OLFM2: variants seen among roughly 807,000 people sequenced by gnomAD.
The protein encoded by OLFM2 is noelin-2.
OLFM2 carries 20 observed loss-of-function variants against 43.9 expected under a neutral mutation model. That is an observed-to-expected ratio of 0.46 (90% CI 0.32 to 0.66). OLFM2 has a LOEUF of 0.66. OLFM2 is among the 30% of genes least tolerant of loss of function. The pLI is 0.04. For synonymous variants in OLFM2, 268 were observed against 278.6 expected, an observed-to-expected ratio of 0.96 and a Z score of 0.38; for missense variants, 416 against 643.6, an observed-to-expected ratio of 0.65 and a Z score of 3.83.
chr19:9,911,498 C>T (rs1320271888), intron 1 of OLFM2, among the ~76,000 whole-genome samples: 1 of 152,058 alleles, frequency 6.6e-6, no homozygotes, highest in African/African-American at 2.4e-5. Flanking sequence ...CACATACACA[C>T]TTACAGAAAA....
intron 1 of OLFM2, among the ~76,000 whole-genome samples, chr19:9,879,038 A>G (rs974926842): frequency 3.3e-5 from 5 of 151,912 alleles, no homozygotes; most frequent in African/African-American, 7.3e-5. Context: ...GTAATCCCCA[A>G]TGCTGGAATA....
In OLFM2 at chr19:9,854,088, A is replaced by G. The variant is rs2046292879; in HGVS notation, c.*98T>C. ...AAAAGGCGGGGAGAAAGGGCGTGAC[A>G]GAGACAGAGAGATCACCCTTGAGGG... On this transcript the variant is annotated 3_prime_UTR_variant, in exon 6 of 6. Transcript: ENST00000264833. This position sits in a 1 kb window ranked among gnomAD's most constrained non-coding sequence, Gnocchi z 9.5. 5.5e-6 allele frequency: 6 copies of G among 1,091,620 alleles called. No homozygotes were observed. Among genetic ancestry groups the G allele is most frequent in the Non-Finnish European group, 6.8e-6 (5 of 737,418 alleles). The allele number at this position is 1,091,620 out of a possible 1,614,324, so 67.6% of individuals were successfully genotyped here.
chr19:9,861,148 C>T (rs2046363010), intron 1 of OLFM2, among the ~76,000 whole-genome samples: 1 of 151,910 alleles, frequency 6.6e-6, no homozygotes, highest in African/African-American at 2.4e-5. Flanking sequence ...CTCCTCTCTG[C>T]TTCCCCAGCC....
intron 1 of OLFM2, among the ~76,000 whole-genome samples, chr19:9,881,367 G>C (rs1316892788): frequency 1.3e-5 from 2 of 152,174 alleles, no homozygotes; most frequent in Non-Finnish European, 2.9e-5. Context: ...GCCTGACCGG[G>C]CAGGGCTACT....
At chr19:9,864,443 A>G (rs2046385149) in intron 1 of OLFM2, among the ~76,000 whole-genome samples, 2 of 151,902 alleles carry the variant, frequency 1.3e-5, no homozygotes, top group Non-Finnish European at 2.9e-5. Context: ...TAGGATTACA[A>G]TCACCCACCT....
At chr19:9,924,988 C>T (rs118090244) in intron 1 of OLFM2, among the ~76,000 whole-genome samples, 12,006 of 151,970 alleles carry the variant, frequency 0.079, 713 homozygotes, top group Non-Finnish European at 0.12. Context: ...TATGGCTGGG[C>T]GCCGTGGCTC....
intron 1 of OLFM2, among the ~76,000 whole-genome samples, chr19:9,896,697 T>G (rs1163374669): frequency 2.0e-5 from 3 of 152,160 alleles, no homozygotes; most frequent in Non-Finnish European, 4.4e-5. Context: ...TCCTCTGACT[T>G]CCAAATTACA....
intron 1 of OLFM2, among the ~76,000 whole-genome samples, chr19:9,894,376 CAATAATAATAATAAT>C (rs528905230): frequency 8.5e-6 from 1 of 118,298 alleles, no homozygotes. Flanking sequence ...GACTCTCTCT[CAATAATAATAATAAT>C]AATAATAATA....
intron 1 of OLFM2, among the ~76,000 whole-genome samples, chr19:9,878,876 A>G (rs531006084): frequency 3.3e-5 from 5 of 152,090 alleles, no homozygotes; most frequent in Admixed American, 3.3e-4. Flanking sequence ...TGCTTGTTTG[A>G]GACTCGGTAG....
At chr19:9,924,865 GA>G (rs1177014274) in intron 1 of OLFM2, among the ~76,000 whole-genome samples, 1 of 149,730 alleles carries the variant, frequency 6.7e-6, no homozygotes, top group African/African-American at 2.5e-5. Flanking sequence ...CAATGTTAAT[GA>G]ATCAAAAAAT....
rs1351001608 is a variant in OLFM2, at chr19:9,856,709, C to A, written c.687+98G>T. ...GGGGGATCCAGGACACTTTGGGCTA[C>A]AAGACAGTCACCAGTGTGGACTCCC... is the stretch of plus-strand genomic sequence containing the variant. On this transcript the variant is annotated intron_variant, in intron 5 of 5. Transcript: ENST00000264833. This position sits in a 1 kb window ranked among gnomAD's most constrained non-coding sequence, Gnocchi z 4.0. 45 of 976,144 alleles carry A rather than the reference C, an allele frequency of 4.6e-5. 1 individual carries two copies. The highest frequency in any genetic ancestry group is 3.1e-6 in the Non-Finnish European group (2 of 636,384). The allele number at this position is 976,144 out of a possible 1,614,324, so 60.5% of individuals were successfully genotyped here. A position where few individuals can be genotyped will look rare whatever the true frequency, so the allele number is the denominator to read the frequency against.
chr19:9,873,335 G>A (rs1417031722), intron 1 of OLFM2, among the ~76,000 whole-genome samples: 1 of 152,078 alleles, frequency 6.6e-6, no homozygotes, highest in Non-Finnish European at 1.5e-5. Flanking sequence ...TGTATTTTTT[G>A]TAGAGACGGG....
At chr19:9,860,014 C>T (rs544429199) in intron 2 of OLFM2, among the ~76,000 whole-genome samples, 18 of 152,254 alleles carry the variant, frequency 1.2e-4, no homozygotes, top group Middle Eastern at 3.4e-3. Context: ...TGGTGGCACA[C>T]GCCTGTAATC....
intron 1 of OLFM2, among the ~76,000 whole-genome samples, chr19:9,908,464 A>ATTTTTTTTT (rs34305631): frequency 9.9e-5 from 4 of 40,344 alleles, no homozygotes; most frequent in African/African-American, 3.6e-4. Flanking sequence ...CACCTGGCTA[A>ATTTTTTTTT]TTTTTTTTTT....
intron 1 of OLFM2, among the ~76,000 whole-genome samples, chr19:9,862,904 G>A (rs901530976): frequency 1.4e-5 from 2 of 141,424 alleles, no homozygotes; most frequent in African/African-American, 5.2e-5. Context: ...GAACCTGGCG[G>A]GGTGGGGGCA....
At chr19:9,877,377 T>C (rs2046499339) in intron 1 of OLFM2, among the ~76,000 whole-genome samples, 2 of 150,930 alleles carry the variant, frequency 1.3e-5, no homozygotes, top group Admixed American at 1.3e-4. Flanking sequence ...CTACTAAAAA[T>C]ACAAAATTAG....
At chr19:9,924,847 C>G (rs763782456) in intron 1 of OLFM2, among the ~76,000 whole-genome samples, 5 of 150,458 alleles carry the variant, frequency 3.3e-5, no homozygotes, top group Admixed American at 2.0e-4. Context: ...TGCTATTGGC[C>G]GGGAGTTCAA....
intron 1 of OLFM2, among the ~76,000 whole-genome samples, chr19:9,921,969 C>T (rs2086424264): frequency 6.6e-6 from 1 of 151,976 alleles, no homozygotes; most frequent in Non-Finnish European, 1.5e-5. Context: ...TGGTGTGCAC[C>T]TATAGCTCCA....
intron 1 of OLFM2, among the ~76,000 whole-genome samples, chr19:9,935,162 G>A (rs1054646708): frequency 2.0e-5 from 3 of 152,154 alleles, no homozygotes; most frequent in African/African-American, 7.2e-5. Context: ...TAGGGAGGAG[G>A]CAGAGGGGGT....
Sources: gnomAD v4.1 joint callset for allele counts (sites outside exome capture counted in the v4.1 genomes callset) on GRCh38, gnomAD v4.1.1 for gene constraint, Gnocchi (gnomAD v3.1) non-coding constraint, MANE v1.5 for transcripts, NCBI Gene and HGNC (gene_info 2026-07-23, HGNC 2026-07-21) for gene names.